The following RBFOX3 variants were observed in gnomAD, a reference collection of about 807,000 sequenced individuals.
RBFOX3 encodes the protein RNA binding protein fox-1 homolog 3.
In RBFOX3, 17 loss-of-function variants were observed where a neutral mutation model predicts 48.7. That is an observed-to-expected ratio of 0.35 (90% CI 0.24 to 0.52). The LOEUF is 0.52. Ranked by LOEUF, RBFOX3 falls within the 20% of genes least tolerant of loss-of-function variation. The pLI, the probability that RBFOX3 is intolerant of heterozygous loss-of-function variation, is 0.94. For synonymous variants in RBFOX3, 212 were observed against 209.5 expected, an observed-to-expected ratio of 1.01 and a Z score of -0.10; for missense variants, 382 against 497.5, an observed-to-expected ratio of 0.77 and a Z score of 2.21.
At chr17:79,393,470 G>A (rs895867425) in intron 2 of RBFOX3, among the ~76,000 whole-genome samples, 4 of 152,272 alleles carry the variant, frequency 2.6e-5, no homozygotes, top group Non-Finnish European at 5.9e-5. Flanking sequence ...ACCTCGCGGC[G>A]CTGGCTGGCA....
intron 4 of RBFOX3, among the ~76,000 whole-genome samples, chr17:79,210,800 C>G (rs1482797597): frequency 6.7e-6 from 1 of 148,356 alleles, no homozygotes; most frequent in Non-Finnish European, 1.5e-5. Context: ...CAGGAGCTCC[C>G]AAACACAATG....
In RBFOX3 at chr17:79,096,161, G is replaced by A. The variant is rs138802481; in HGVS notation, c.936+492C>T. Among the ~76,000 whole-genome samples, 56 of 152,340 alleles carry A rather than the reference G, an allele frequency of 3.7e-4. 1 individual carries two copies. In the East Asian group the frequency reaches 9.3e-3, roughly 25 times the overall value. On this transcript the variant is annotated intron_variant, in intron 12 of 14. Transcript: ENST00000693108. Reference sequence around the variant, plus strand: ...GTGGCTGGGTACATGGGGTGTGGCCGTCAGTGAGTCTGAGACAGAGGAAGC... The same window carrying A: ...GTGGCTGGGTACATGGGGTGTGGCCATCAGTGAGTCTGAGACAGAGGAAGC...
chr17:79,655,740 C>G, the RBFOX3 span, among the ~76,000 whole-genome samples: 2 of 152,160 alleles, frequency 1.3e-5, no homozygotes, highest in Middle Eastern at 3.2e-3. Flanking sequence ...GGTTCTGGAA[C>G]AGTCAGTGTG....
chr17:79,324,344 G>A (rs1345970249), intron 2 of RBFOX3, among the ~76,000 whole-genome samples: 2 of 152,206 alleles, frequency 1.3e-5, no homozygotes, highest in African/African-American at 4.8e-5. Context: ...TCTGGCAAAT[G>A]AGCGTGGGAT....
intron 2 of RBFOX3, among the ~76,000 whole-genome samples, chr17:79,395,633 A>T (rs2061896793): frequency 1.3e-5 from 2 of 152,180 alleles, no homozygotes; most frequent in Admixed American, 6.5e-5. Context: ...GCACTGATCC[A>T]GGGGCTTCCA....
chr17:79,620,586 CA>C, the RBFOX3 span, among the ~76,000 whole-genome samples: 1 of 28,456 alleles, frequency 3.5e-5, no homozygotes, highest in Admixed American at 2.8e-4. Context: ...CACACGCACG[CA>C]CACACACGCA....
At chr17:79,272,071 G>A (rs2377392) in intron 3 of RBFOX3, among the ~76,000 whole-genome samples, 5,212 of 152,350 alleles carry the variant, frequency 0.034, 286 homozygotes, top group African/African-American at 0.12. Context: ...GCTGAGAGAC[G>A]ACGGAAACTT....
chr17:79,618,358 C>T, the RBFOX3 span, among the ~76,000 whole-genome samples: 1 of 152,110 alleles, frequency 6.6e-6, no homozygotes, highest in Non-Finnish European at 1.5e-5. Context: ...GGACGTGAGC[C>T]GTATCTCTGA....
At chr17:79,234,868 C>T (rs1600149466) in intron 4 of RBFOX3, 1 of 151,302 alleles carries the variant, frequency 6.6e-6, no homozygotes, top group Non-Finnish European at 1.5e-5. Flanking sequence ...GTAGCTGGGA[C>T]TACAGGCACC....
intron 2 of RBFOX3, among the ~76,000 whole-genome samples, chr17:79,464,352 G>A (rs545006352): frequency 1.3e-5 from 2 of 152,350 alleles, no homozygotes; most frequent in East Asian, 1.9e-4. Context: ...TTACGTGGAC[G>A]GGCCTTTGTG....
chr17:79,628,453 C>T, the RBFOX3 span, among the ~76,000 whole-genome samples: 1 of 152,184 alleles, frequency 6.6e-6, no homozygotes, highest in Non-Finnish European at 1.5e-5. Flanking sequence ...CATCACAAGG[C>T]CGCAGAGTCC....
chr17:79,093,697 C>T (rs558866688), intron 14 of RBFOX3, among the ~76,000 whole-genome samples: 2 of 152,292 alleles, frequency 1.3e-5, no homozygotes, highest in African/African-American at 4.8e-5. Flanking sequence ...CGTGTTCACA[C>T]CCCGGGGCTG....
intron 2 of RBFOX3, among the ~76,000 whole-genome samples, chr17:79,404,022 C>T (rs1337417922): frequency 6.6e-6 from 1 of 152,164 alleles, no homozygotes; most frequent in African/African-American, 2.4e-5. Context: ...TCGTGATGCA[C>T]CCATCTTGGC....
At chr17:79,612,866 C>T (rs1599294440), upstream of RBFOX3, among the ~76,000 whole-genome samples, 11 of 152,348 alleles carry the variant, frequency 7.2e-5, no homozygotes, top group South Asian at 2.3e-3. Flanking sequence ...GGGCTCTTGC[C>T]TCGCTGTGCC....
intron 2 of RBFOX3, among the ~76,000 whole-genome samples, chr17:79,409,138 T>C (rs952444168): frequency 1.3e-5 from 2 of 152,226 alleles, no homozygotes; most frequent in African/African-American, 2.4e-5. Context: ...CTGAGCACAC[T>C]GTTTTCAGGG....
chr17:79,100,232 C>G (rs997688593), intron 9 of RBFOX3: 2 of 152,292 alleles, frequency 1.3e-5, no homozygotes, highest in African/African-American at 4.8e-5. Flanking sequence ...GAGTGGGCAG[C>G]TGGTTCCAGA....
At chr17:79,384,161 T>C (rs1264713163) in intron 2 of RBFOX3, among the ~76,000 whole-genome samples, 1 of 152,162 alleles carries the variant, frequency 6.6e-6, no homozygotes, top group Non-Finnish European at 1.5e-5. Context: ...GCAGGGGAGC[T>C]GCACTTTCTG....
chr17:79,161,836 G>A lies in RBFOX3; in HGVS notation c.-33-46088C>T, dbSNP rs548819968. ...TCTCAAACTCCTGACCTCTTGATCC[G>A]CCTGCCTCAGCCTCCCAAAATGCTG... On this transcript the variant is annotated intron_variant, in intron 4 of 14. Coordinates refer to ENST00000693108, the MANE Select transcript of RBFOX3 (RefSeq NM_001350451.2). 7.9e-5 allele frequency among the ~76,000 whole-genome samples: 12 copies of A among 152,172 alleles called. No homozygotes were observed. In the East Asian group the frequency reaches 1.2e-3, roughly 15 times the overall value.
At chr17:79,485,149 G>A (rs990360447) in intron 1 of RBFOX3, among the ~76,000 whole-genome samples, 8 of 152,110 alleles carry the variant, frequency 5.3e-5, no homozygotes, top group African/African-American at 1.4e-4. Flanking sequence ...GGGGAGAGGC[G>A]GGCTGTCTGC....
Sources: gnomAD v4.1 joint callset for allele counts (sites outside exome capture counted in the v4.1 genomes callset) on GRCh38, gnomAD v4.1.1 for gene constraint, MANE v1.5 for transcripts, NCBI Gene and HGNC (gene_info 2026-07-23, HGNC 2026-07-21) for gene names.